TPD52: variants seen among roughly 807,000 people sequenced by gnomAD.
The protein encoded by TPD52 is prostate and colon associated protein.
In TPD52, 17 loss-of-function variants were observed where a neutral mutation model predicts 31.3. The ratio of observed to expected loss-of-function variants is 0.54; its 90% confidence interval spans 0.37 to 0.82. The LOEUF is 0.82. TPD52 is among the 40% of genes least tolerant of loss of function. TPD52 has a pLI of 0.00. For missense variants in TPD52, 212 were observed against 240.1 expected, an observed-to-expected ratio of 0.88 and a Z score of 0.77; for synonymous variants, 83 against 89.6, an observed-to-expected ratio of 0.93 and a Z score of 0.42.
chr8:80,066,323 G>A (rs1813150836), intron 1 of TPD52, among the ~76,000 whole-genome samples: 1 of 152,096 alleles, frequency 6.6e-6, no homozygotes, highest in African/African-American at 2.4e-5. Flanking sequence ...CAGCATGGCA[G>A]CACCAAAATA....
At chr8:80,095,946 C>CAACATACATACA (rs1554586672) in intron 1 of TPD52, among the ~76,000 whole-genome samples, 2 of 150,386 alleles carry the variant, frequency 1.3e-5, no homozygotes, top group Non-Finnish European at 3.0e-5. Flanking sequence ...GACTCCATCT[C>CAACATACATACA]TACATACATA....
At chr8:80,083,959 A>G (rs1378337312) in intron 1 of TPD52, among the ~76,000 whole-genome samples, 1 of 152,202 alleles carries the variant, frequency 6.6e-6, no homozygotes, top group Non-Finnish European at 1.5e-5. Context: ...ACTTTGAAGG[A>G]ATCACATCCA....
intron 7 of TPD52, among the ~76,000 whole-genome samples, chr8:80,041,876 T>C (rs911782056): frequency 2.0e-4 from 30 of 151,928 alleles, no homozygotes; most frequent in Admixed American, 1.8e-3. Context: ...GATCACGAGG[T>C]CAGGAGATGG....
chr8:80,037,955 T>A lies in TPD52; in HGVS notation c.*161A>T. On this transcript the variant is annotated 3_prime_UTR_variant, in exon 8 of 8. Coordinates refer to ENST00000518937, the MANE Select transcript of TPD52 (RefSeq NM_001025253.3). ...TGTTTCCCAAGAATAGAGGTGAAGA[T>A]ATTTTCATTTTGTTTAACCCACAAA... The A allele has an allele frequency of 1.1e-6, 1 of 914,234 alleles. No individual in the cohort carries two copies. The highest frequency in any genetic ancestry group is 2.0e-5 in the South Asian group (1 of 51,136). 56.6% of individuals were successfully genotyped at this position (914,234 alleles called of 1,614,324 possible). A position where few individuals can be genotyped will look rare whatever the true frequency, so the allele number is the denominator to read the frequency against.
intron 1 of TPD52, chr8:80,067,085 T>A (rs2130713350): frequency 6.6e-6 from 1 of 152,328 alleles, no homozygotes; most frequent in Middle Eastern, 3.4e-3. Context: ...ATACAGTATC[T>A]GACTGCTAAC....
At chr8:80,128,687 AT>A (rs1341551283) in intron 1 of TPD52, among the ~76,000 whole-genome samples, 2 of 151,676 alleles carry the variant, frequency 1.3e-5, no homozygotes, top group Non-Finnish European at 2.9e-5. Flanking sequence ...AATAAAATAA[AT>A]TTAAATGTTA....
chr8:80,124,810 AC>A (rs1342008524), intron 1 of TPD52, among the ~76,000 whole-genome samples: 1 of 152,132 alleles, frequency 6.6e-6, no homozygotes, highest in Non-Finnish European at 1.5e-5. Flanking sequence ...ATTAAGACAA[AC>A]AAACAAACAA....
At chr8:80,146,282 T>A (rs1489329410) in intron 1 of TPD52, among the ~76,000 whole-genome samples, 1 of 152,260 alleles carries the variant, frequency 6.6e-6, no homozygotes, top group Non-Finnish European at 1.5e-5. Flanking sequence ...TGAGCCATTG[T>A]TGCTAAGGGC....
downstream of TPD52, chr8:80,034,721 T>G (rs1400279414): frequency 1.3e-5 from 2 of 151,412 alleles, no homozygotes; most frequent in East Asian, 3.9e-4. Context: ...TGCTGGAGAG[T>G]GGTAAAGTGA....
intron 1 of TPD52, among the ~76,000 whole-genome samples, chr8:80,092,603 C>G (rs1025847973): frequency 6.6e-6 from 1 of 152,062 alleles, no homozygotes. Context: ...AAAAATGAAT[C>G]TTGTCATTTG....
chr8:80,062,973 T>C (rs1812706186), intron 2 of TPD52, among the ~76,000 whole-genome samples: 1 of 150,770 alleles, frequency 6.6e-6, no homozygotes. Flanking sequence ...CCTTGTATCT[T>C]AAAAAAAAAG....
intron 1 of TPD52, among the ~76,000 whole-genome samples, chr8:80,107,568 ATGTT>A (rs775272129): frequency 6.6e-6 from 1 of 152,144 alleles, no homozygotes; most frequent in Non-Finnish European, 1.5e-5. Flanking sequence ...CTTTGTATGA[ATGTT>A]TGTGTGTGTG....
chr8:80,159,696 T>A (rs1463328109), intron 1 of TPD52, among the ~76,000 whole-genome samples: 1 of 152,182 alleles, frequency 6.6e-6, no homozygotes, highest in Non-Finnish European at 1.5e-5. Context: ...GAACCTGACA[T>A]ACAGAAAACA....
intron 1 of TPD52, among the ~76,000 whole-genome samples, chr8:80,128,483 C>CCCT (rs1317597331): frequency 9.8e-6 from 1 of 101,720 alleles, no homozygotes; most frequent in African/African-American, 6.1e-5. Context: ...CACAAGGAGA[C>CCCT]CCTGTCTCTA....
intron 1 of TPD52, among the ~76,000 whole-genome samples, chr8:80,147,534 A>G (rs1429543455): frequency 1.3e-5 from 2 of 152,216 alleles, no homozygotes. Flanking sequence ...AAGAATGAAC[A>G]ATGAAGACCT....
chr8:80,105,592 G>A (rs1217409832), intron 1 of TPD52, among the ~76,000 whole-genome samples: 2 of 152,060 alleles, frequency 1.3e-5, no homozygotes, highest in East Asian at 1.9e-4. Context: ...GCTCTCAGCC[G>A]AATAAAGCCC....
chr8:80,080,250 G>A, intron 1 of TPD52: 1 of 1,505,804 alleles, frequency 6.6e-7, no homozygotes, highest in Non-Finnish European at 9.2e-7. Flanking sequence ...TTAAAGCCAG[G>A]CAAACCCCAA....
In TPD52 at chr8:80,141,144, C is replaced by G. The variant is rs116981375; in HGVS notation, c.19+30281G>C. Among the ~76,000 whole-genome samples, 612 of 152,178 alleles carry G rather than the reference C, an allele frequency of 4.0e-3. 1 individual carries two copies. The highest frequency in any genetic ancestry group is 7.2e-3 in the Non-Finnish European group (493 of 68,014). On this transcript the variant is annotated intron_variant, in intron 1 of 7. Transcript: ENST00000518937. ...GACTAAGCTGTTTGAAGGTTAATTC[C>G]ACATCACATTCATACTCCATGCAAC...
At chr8:80,090,163 AGG>A (rs1371761737) in intron 1 of TPD52, among the ~76,000 whole-genome samples, 1 of 152,192 alleles carries the variant, frequency 6.6e-6, no homozygotes, top group East Asian at 1.9e-4. Flanking sequence ...AGGCTGAGGC[AGG>A]AGGATAGCTT....
Sources: allele counts gnomAD v4.1 joint callset (sites outside exome capture counted in the v4.1 genomes callset), GRCh38; gene constraint gnomAD v4.1.1; transcripts MANE v1.5; gene names NCBI Gene and HGNC (gene_info 2026-07-23, HGNC 2026-07-21).